Variants in SPTA1 observed in about 807,000 individuals in gnomAD.
The protein encoded by SPTA1 is spectrin alpha, erythrocytic 1.
Under a neutral mutation model 324.7 loss-of-function variants are expected in SPTA1, and 177 were observed. The ratio of observed to expected loss-of-function variants is 0.55; its 90% CI spans 0.48 to 0.62. SPTA1 has a LOEUF of 0.62. SPTA1 is among the 20% of genes least tolerant of loss of function. The pLI is 0.00. For synonymous variants in SPTA1, 1,195 were observed against 1,041.3 expected, an observed-to-expected ratio of 1.15 and a Z score of -2.84; for missense variants, 3,162 against 2,883.6, an observed-to-expected ratio of 1.10 and a Z score of -2.21.
At chr1:158,644,817 A>G (rs1268047296) in intron 29 of SPTA1, among the ~76,000 whole-genome samples, 1 of 152,140 alleles carries the variant, frequency 6.6e-6, no homozygotes. Flanking sequence ...AAATTTATCT[A>G]TATGTCTAAT....
rs1237552137 is a variant in SPTA1 at position 158,623,146 on chromosome 1, G to A, written c.5957C>T (p.Pro1986Leu). Reference protein sequence around the residue: ...SLQSFQQERLPEITDLKDKLI... With the variant: ...SLQSFQQERLLEITDLKDKLI... ...TTTGTCCTTCAGGTCAGTGATCTCGGGAAGTCTCTCTTGCTGGAAACTCTG... is the reference window on the plus strand; with the variant it reads ...TTTGTCCTTCAGGTCAGTGATCTCGAGAAGTCTCTCTTGCTGGAAACTCTG... The change falls in exon 43 of 52, where the codon CCC becomes CTC. Residue 1986 changes from proline (P) to leucine (L), a missense_variant. By Grantham distance (98) the Pro-to-Leu change is moderately conservative. Transcript: ENST00000643759. 1 of 1,614,124 alleles carries A rather than the reference G, an allele frequency of 6.2e-7. No individual in the cohort carries two copies. The highest frequency in any genetic ancestry group is 1.7e-5 in the Admixed American group (1 of 60,026).
intron 4 of SPTA1, among the ~76,000 whole-genome samples, 179 bp from the exon 5 acceptor site, chr1:158,680,908 G>A (rs1437892175): frequency 6.6e-6 from 1 of 152,134 alleles, no homozygotes; most frequent in Non-Finnish European, 1.5e-5. Context: ...GTAGCACCTT[G>A]GCACAAGGGA....
intron 30 of SPTA1, 73 bp downstream of exon 30, chr1:158,644,180 C>T: frequency 6.3e-7 from 1 of 1,576,692 alleles, no homozygotes; most frequent in Non-Finnish European, 8.7e-7. Context: ...ATTATAAAAC[C>T]AGACAAATGT....
chr1:158,679,942 C>T (rs1046601819), intron 5 of SPTA1, among the ~76,000 whole-genome samples: 2 of 152,102 alleles, frequency 1.3e-5, no homozygotes, highest in African/African-American at 2.4e-5. Flanking sequence ...TCAGGAAAAT[C>T]ATTCTCACTA....
chr1:158,623,272 T>C, intron 42 of SPTA1, 80 bp from the exon 43 acceptor site: 1 of 1,199,112 alleles, frequency 8.3e-7, no homozygotes, highest in Non-Finnish European at 1.2e-6. Flanking sequence ...CAGATTTTAA[T>C]CATAGATAAG....
intron 10 of SPTA1, 54 bp from the exon 11 acceptor site, chr1:158,672,250 A>G: frequency 1.3e-6 from 2 of 1,521,532 alleles, no homozygotes; most frequent in African/African-American, 1.4e-5. Context: ...ATTTTATTCT[A>G]TATTTATTGA....
In SPTA1 at chr1:158,639,863, C is replaced by T. The variant is rs1380189046; in HGVS notation, c.4875+7G>A. The T allele has an allele frequency of 6.2e-7, 1 of 1,613,806 alleles. No homozygotes were observed. The highest frequency in any genetic ancestry group is 1.3e-5 in the African/African-American group (1 of 74,882). On this transcript the variant is annotated splice_region_variant and intron_variant, in intron 34 of 51. Transcript: ENST00000643759. The stretch of plus-strand genomic sequence containing the variant: ...CTTGTGTCTCTACTGTTTCCGGGTG[C>T]AATTACCTCTGAGAGCCAGAACTCA...
chr1:158,652,774 A>ACACC, intron 22 of SPTA1, 121 bp from the exon 23 acceptor site: 1 of 1,155,140 alleles, frequency 8.7e-7, no homozygotes. Context: ...TCAAAAGCAA[A>ACACC]AGAATAGTAG....
intron 18 of SPTA1, among the ~76,000 whole-genome samples, chr1:158,658,969 G>C (rs562998495): frequency 3.9e-5 from 6 of 152,154 alleles, no homozygotes; most frequent in South Asian, 2.1e-4. Flanking sequence ...TTTATGGATA[G>C]AAGACCTGCA....
chr1:158,659,417 C>T (rs995143437), intron 18 of SPTA1, among the ~76,000 whole-genome samples: 23 of 151,650 alleles, frequency 1.5e-4, no homozygotes, highest in African/African-American at 4.8e-4. Flanking sequence ...TATAGTTAGA[C>T]TGATTAATAG....
At chr1:158,674,271 A>T in intron 10 of SPTA1, 58 bp downstream of exon 10, 1 of 1,450,132 alleles carries the variant, frequency 6.9e-7, no homozygotes, top group East Asian at 2.3e-5. Context: ...TTATTGTGAG[A>T]TTATGTAATG....
At position 158,652,590 on chromosome 1, in the gene SPTA1, T is replaced by A; in HGVS notation, c.3252A>T (p.Glu1084Asp). The change falls in exon 23 of 52, where the codon GAA becomes GAT. Residue 1084 changes from glutamate to aspartate, a missense_variant. Transcript: ENST00000643759. ...CTCCTGCCTCATAGGCCAATAAAAA[T>A]TCATTATAACGTTGCAATAGACGAC... ...RRRRLLQRYN[E>D]FLLAYEAGDM... 3 of 1,614,084 alleles carry A rather than the reference T, an allele frequency of 1.9e-6. No individual in the cohort carries two copies. The highest frequency in any genetic ancestry group is 2.5e-6 in the Non-Finnish European group (3 of 1,180,026).
At chr1:158,684,791 A>G (rs1655049993) in intron 2 of SPTA1, among the ~76,000 whole-genome samples, 1 of 152,158 alleles carries the variant, frequency 6.6e-6, no homozygotes, top group Non-Finnish European at 1.5e-5. Flanking sequence ...TCCTTGGTTA[A>G]TGATTAAAAA....
Position 158,681,407 on chromosome 1 carries a change from A to G in SPTA1, c.531+120T>C, listed in dbSNP as rs959574677. 2.6e-6 allele frequency: 4 copies of G among 1,530,850 alleles called. No individual in the cohort carries two copies. In the African/African-American group the frequency reaches 5.5e-5, roughly 21 times the overall value. The allele number at this position is 1,530,850 out of a possible 1,614,324, so 94.8% of individuals were successfully genotyped here. Reference sequence around the variant, plus strand: ...TGGCCCCAATTTCCTCTTGTTCCAAAGAACAAAGCCAGGAACAGACATCCT... The same window carrying G: ...TGGCCCCAATTTCCTCTTGTTCCAAGGAACAAAGCCAGGAACAGACATCCT... On this transcript the variant is annotated intron_variant, in intron 4 of 51. Transcript: ENST00000643759.
At chr1:158,673,046 C>T (rs776845257) in intron 10 of SPTA1, among the ~76,000 whole-genome samples, 3 of 152,028 alleles carry the variant, frequency 2.0e-5, no homozygotes, top group African/African-American at 4.8e-5. Flanking sequence ...CACTGGAACT[C>T]GGGAGGCAGA....
chr1:158,681,805 AAG>A, intron 3 of SPTA1, 138 bp from the exon 4 acceptor site: 1 of 1,117,626 alleles, frequency 8.9e-7, no homozygotes, highest in Admixed American at 2.0e-5. Flanking sequence ...AAACATTTAA[AAG>A]AGGAAATAGG....
Position 158,627,648 on chromosome 1 carries a change from G to C in SPTA1, c.5641C>G (p.Gln1881Glu). 6.2e-7 allele frequency: 1 copy of C among 1,613,424 alleles called. No homozygotes were observed. The highest frequency in any genetic ancestry group is 8.5e-7 in the Non-Finnish European group (1 of 1,179,732). ...HETRVQNVCA[Q>E]GEDILNKVLQ... ...ACCTTATTTAGGATGTCTTCTCCTT[G>C]TGCACACACATTTTGTACTCGGGTC... The change falls in exon 40 of 52, where the codon CAA (glutamine) becomes GAA (glutamate). Residue 1881 changes from glutamine (Q) to glutamate (E), a missense_variant. Transcript: ENST00000643759.
intron 42 of SPTA1, among the ~76,000 whole-genome samples, chr1:158,623,788 C>T (rs902176598): frequency 6.6e-6 from 1 of 152,194 alleles, no homozygotes; most frequent in Admixed American, 6.5e-5. Context: ...CAGACTAATA[C>T]AGTACATTGG....
rs571072886 is a variant in SPTA1 at position 158,666,167 on chromosome 1, A to G, written c.2220+149T>C. 6.2e-6 allele frequency: 4 copies of G among 649,878 alleles called. No individual in the cohort carries two copies. The Admixed American group carries it at 1.0e-4, about 17-fold the overall frequency. 40.3% of individuals were successfully genotyped at this position (649,878 alleles called of 1,614,324 possible). ...TTAAGTAATAATTACTTATTACTTA[A>G]TAATCAGTGTGCTCAGAGCATATAC... On this transcript the variant is annotated intron_variant, in intron 16 of 51. Transcript: ENST00000643759.
Sources: allele counts gnomAD v4.1 joint callset (sites outside exome capture counted in the v4.1 genomes callset), GRCh38; gene constraint gnomAD v4.1.1; transcripts MANE v1.5; gene names NCBI Gene and HGNC (gene_info 2026-07-23, HGNC 2026-07-21).